Variants in SLC9A4 observed in about 807,000 individuals in gnomAD.
The protein encoded by SLC9A4 is solute carrier family 9 member A4, also known as sodium/hydrogen exchanger 4.
A neutral mutation model predicts 67.4 loss-of-function variants in SLC9A4; 63 were observed. The ratio of observed to expected loss-of-function variants is 0.93; its 90% CI spans 0.76 to 1.15. The LOEUF (loss-of-function observed/expected upper bound fraction) is 1.15. SLC9A4 is among the 50% of genes most tolerant of loss of function. The pLI, the probability that SLC9A4 is intolerant of heterozygous loss-of-function variation, is 0.00. For synonymous variants in SLC9A4, 393 were observed against 367.2 expected, an observed-to-expected ratio of 1.07 and a Z score of -0.80; for missense variants, 1,089 against 987.7, an observed-to-expected ratio of 1.10 and a Z score of -1.38.
chr2:102,532,392 T>A lies in SLC9A4; in HGVS notation c.2101T>A (p.Ser701Thr). 6.2e-7 allele frequency: 1 copy of A among 1,614,104 alleles called. No individual in the cohort carries two copies. The highest frequency in any genetic ancestry group is 8.5e-7 in the Non-Finnish European group (1 of 1,180,016). The part of the protein sequence containing the change: ...ITFSACSRIG[S>T]LQKQEAQEII... ...GTTCAGCGCATGCTCTCGGATAGGGTCACTTCAGAAGCAAGAGGCACAAGA... is the reference window on the plus strand; with the variant it reads ...GTTCAGCGCATGCTCTCGGATAGGGACACTTCAGAAGCAAGAGGCACAAGA... Residue 701 changes from serine (S) to threonine (T), a missense_variant, in exon 12 of 12, where the codon TCA becomes ACA. Transcript: ENST00000295269.
At chr2:102,521,432 A>G (rs966986500) in intron 9 of SLC9A4, among the ~76,000 whole-genome samples, 1 of 152,132 alleles carries the variant, frequency 6.6e-6, no homozygotes, top group African/African-American at 2.4e-5. Context: ...TTTCCATTTA[A>G]TAAGTTTATT....
chr2:102,508,200 G>A lies in SLC9A4; in HGVS notation c.1320G>A (p.Leu440=). The A allele has an allele frequency of 6.2e-7, 1 of 1,614,044 alleles. No homozygotes were observed. Among genetic ancestry groups the A allele is most frequent in the Non-Finnish European group, 8.5e-7 (1 of 1,179,994 alleles). Residue 440 remains leucine, a synonymous_variant, in exon 5 of 12, where the codon TTG becomes TTA. Coordinates refer to ENST00000295269, the MANE Select transcript of SLC9A4 (RefSeq NM_001011552.4). The stretch of plus-strand genomic sequence containing the variant: ...CTGGAAGTTTTTCACTTGCATTTTT[G>A]CTTCCTCTGTCTCTTTTTCCTAGGA... ...RGAGSFSLAF[L]LPLSLFPRKK...
chr2:102,516,150 A>T (rs1303288655), intron 8 of SLC9A4, among the ~76,000 whole-genome samples: 1 of 152,192 alleles, frequency 6.6e-6, no homozygotes, highest in Non-Finnish European at 1.5e-5. Context: ...TCTGATCTCA[A>T]GGCAATCTTT....
chr2:102,490,349 G>T (rs1684670622), intron 2 of SLC9A4, among the ~76,000 whole-genome samples: 1 of 152,228 alleles, frequency 6.6e-6, no homozygotes, highest in Non-Finnish European at 1.5e-5. Flanking sequence ...GAGGTTGGAA[G>T]TCCAAGAACA....
chr2:102,525,003 G>T lies in SLC9A4; in HGVS notation c.1819-21G>T. 1.9e-6 allele frequency: 3 copies of T among 1,613,362 alleles called. No homozygotes were observed. In the South Asian group the frequency reaches 3.3e-5, roughly 18 times the overall value. The stretch of plus-strand genomic sequence containing the variant: ...TGTATGGAGGAGTCCTTACGTATTT[G>T]ACATTCCATTTTCTCTGCAGACCCT... On this transcript the variant is annotated intron_variant, in intron 9 of 11. Transcript: ENST00000295269.
chr2:102,505,662 G>T lies in SLC9A4; in HGVS notation c.1198+191G>T, dbSNP rs1685035927. 5 of 584,302 alleles carry T rather than the reference G, an allele frequency of 8.6e-6. No individual in the cohort carries two copies. In the Admixed American group the frequency reaches 1.2e-4, roughly 15 times the overall value. The allele number at this position is 584,302 out of a possible 1,614,324, so 36.2% of individuals were successfully genotyped here. ...CTCAGTCAGCTCAAAGTAATTAGTG[G>T]TTGATAAGGTTCTGCATTGAAGCAA... On this transcript the variant is annotated intron_variant, in intron 4 of 11. Transcript: ENST00000295269.
chr2:102,476,568 T>A (rs903922712), intron 1 of SLC9A4, among the ~76,000 whole-genome samples: 1 of 152,198 alleles, frequency 6.6e-6, no homozygotes, highest in African/African-American at 2.4e-5. Flanking sequence ...AGGGCCAAAC[T>A]GGGGAGCCAC....
chr2:102,509,036 C>A, intron 6 of SLC9A4, 103 bp downstream of exon 6: 1 of 1,007,934 alleles, frequency 9.9e-7, no homozygotes, highest in Admixed American at 2.3e-5. Context: ...TCCTTCCCCA[C>A]TCTGCCAAGA....
chr2:102,480,675 G>C (rs150267173), intron 2 of SLC9A4, among the ~76,000 whole-genome samples: 1 of 152,262 alleles, frequency 6.6e-6, no homozygotes, highest in African/African-American at 2.4e-5. Context: ...GAAATTTCCA[G>C]TTTAAACAGT....
Position 102,505,424 on chromosome 2 carries a change from C to A in SLC9A4, c.1151C>A (p.Ala384Asp). ...GGCAAGAATCACGAGTGGAACTGGG[C>A]CTTCATCTGCTTCACCCTGGCCTTC... ...TVGKNHEWNW[A>D]FICFTLAFCQ... is the part of the protein sequence containing the mutation. The change falls in exon 4 of 12, where the codon GCC becomes GAC. Residue 384 changes from alanine to aspartate, a missense_variant. By Grantham distance (126) the Ala-to-Asp change is moderately radical. Transcript: ENST00000295269. 1 of 1,614,180 alleles carries A rather than the reference C, an allele frequency of 6.2e-7. No individual in the cohort carries two copies. The highest frequency in any genetic ancestry group is 8.5e-7 in the Non-Finnish European group (1 of 1,180,032).
rs1211540852 is a variant in SLC9A4, at chr2:102,533,748, G to GT, written c.*1066dup. The stretch of plus-strand genomic sequence containing the variant: ...TATGAGTGAGAATATGCGGTGTTTG[G>GT]TTTTTTGTTCTTGGGATAGTTTACT... On this transcript the variant is annotated 3_prime_UTR_variant, in exon 12 of 12. Coordinates refer to ENST00000295269, the MANE Select transcript of SLC9A4 (RefSeq NM_001011552.4). 1 of 149,420 alleles carries GT rather than the reference G, an allele frequency of 6.7e-6. No homozygotes were observed. Among genetic ancestry groups the GT allele is most frequent in the African/African-American group, 2.5e-5 (1 of 40,516 alleles). 9.3% of individuals were successfully genotyped at this position (149,420 alleles called of 1,614,324 possible).
intron 1 of SLC9A4, 61 bp from the exon 2 acceptor site, chr2:102,478,778 C>T: frequency 1.3e-6 from 2 of 1,521,926 alleles, no homozygotes; most frequent in Non-Finnish European, 1.8e-6. Context: ...CTTTAAAAGA[C>T]CTCAGGTACA....
intron 4 of SLC9A4, among the ~76,000 whole-genome samples, chr2:102,506,989 ATAG>A (rs773696851): frequency 5.3e-5 from 8 of 152,134 alleles, no homozygotes; most frequent in African/African-American, 1.2e-4. Context: ...ATCACAACTA[ATAG>A]TAGTTCACAC....
At position 102,514,241 on chromosome 2, in the gene SLC9A4, A is replaced by C. The variant is rs1237013494; in HGVS notation, c.1711A>C (p.Ile571Leu). Residue 571 changes from isoleucine (I) to leucine (L), a missense_variant, in exon 8 of 12, where the codon ATA becomes CTA. By Grantham distance (5) the Ile-to-Leu change is conservative. Transcript: ENST00000295269. ...TGILSSTAFS[I>L]PHQAQRIQGI... ...GATACTGAGCTCTACAGCTTTCTCC[A>C]TACCCCATCAGTGAGTCATATCTGT... 3 of 1,610,230 alleles carry C rather than the reference A, an allele frequency of 1.9e-6. No homozygotes were observed. The highest frequency in any genetic ancestry group is 1.7e-5 in the Admixed American group (1 of 59,558).
In SLC9A4 at chr2:102,481,896, C is replaced by CT. The variant is rs11350402; in HGVS notation, c.720+2605dup. 1.1e-3 allele frequency among the ~76,000 whole-genome samples: 159 copies of CT among 150,790 alleles called. 1 individual carries two copies. The highest frequency in any genetic ancestry group is 3.5e-3 in the African/African-American group (142 of 41,138). ...TACTAATTCATTTGGCAAGCAAGAT[C>CT]TTTTTTTTTTTAAACTTTATGCAAC... On this transcript the variant is annotated intron_variant, in intron 2 of 11. Coordinates refer to ENST00000295269, the MANE Select transcript of SLC9A4 (RefSeq NM_001011552.4).
At chr2:102,503,335 G>T in intron 2 of SLC9A4, 113 bp from the exon 3 acceptor site, 3 of 988,334 alleles carry the variant, frequency 3.0e-6, no homozygotes, top group Admixed American at 3.0e-5. Flanking sequence ...ATTTTTTGTT[G>T]TGTAATTTAT....
At chr2:102,522,937 C>T (rs1233779225) in intron 9 of SLC9A4, among the ~76,000 whole-genome samples, 2 of 152,132 alleles carry the variant, frequency 1.3e-5, no homozygotes, top group Non-Finnish European at 2.9e-5. Context: ...CCCTCCCTCA[C>T]TGTTCCCTTG....
chr2:102,516,728 T>G (rs1488291405), intron 8 of SLC9A4, among the ~76,000 whole-genome samples: 1 of 152,204 alleles, frequency 6.6e-6, no homozygotes, highest in African/African-American at 2.4e-5. Flanking sequence ...AAGTAGAATA[T>G]GCACTTTGAT....
rs201284506 is a variant in SLC9A4 at position 102,514,010 on chromosome 2, G to A, written c.1560-80G>A. ...TCAGAATAAAGTTAAGTAGTAAGTA[G>A]TTTGTTTCAAGAGAAATGCATACTT... On this transcript the variant is annotated intron_variant, in intron 7 of 11. Transcript: ENST00000295269. 12 of 1,523,824 alleles carry A rather than the reference G, an allele frequency of 7.9e-6. No homozygotes were observed. The East Asian group carries it at 2.3e-4, about 29-fold the overall frequency. The allele number at this position is 1,523,824 out of a possible 1,614,324, so 94.4% of individuals were successfully genotyped here.
Sources: gnomAD v4.1 joint callset for allele counts (sites outside exome capture counted in the v4.1 genomes callset) on GRCh38, gnomAD v4.1.1 for gene constraint, MANE v1.5 for transcripts, NCBI Gene and HGNC (gene_info 2026-07-23, HGNC 2026-07-21) for gene names.